DNAH11: variants seen among roughly 807,000 people sequenced by gnomAD.
DNAH11 encodes dynein axonemal heavy chain 11.
DNAH11 carries 442 observed loss-of-function variants against 526.0 expected under a neutral mutation model. The observed-to-expected ratio is 0.84, with a 90% CI of 0.78 to 0.91. DNAH11 has a LOEUF of 0.91. Among genes scored for constraint, DNAH11 ranks in the 40% least tolerant of loss-of-function variants. The probability of loss-of-function intolerance (pLI) is 0.00; values close to 1 mark genes in which losing one functional copy is unlikely to be tolerated. For missense variants in DNAH11, 6,989 were observed against 5,448.7 expected, an observed-to-expected ratio of 1.28 and a Z score of -8.90; for synonymous variants, 2,461 against 1,935.9, an observed-to-expected ratio of 1.27 and a Z score of -7.12.
rs1396662655 is a variant in DNAH11, at chr7:21,787,491, GACC to G, written c.9833_9835del (p.Asp3278_Pro3279delinsAla). On this transcript the variant is annotated inframe_deletion, in exon 60 of 82. Coordinates refer to ENST00000409508, the MANE Select transcript of DNAH11 (RefSeq NM_001277115.2). ...AGTGGTGAATGAACACTATTTGAAA[GACC>G]CAGAGTTTAATCCAAACCTGATTCG... 1.2e-6 allele frequency: 2 copies of G among 1,613,812 alleles called. No individual in the cohort carries two copies. Among genetic ancestry groups the G allele is most frequent in the South Asian group, 2.2e-5 (2 of 91,056 alleles).
intron 55 of DNAH11, among the ~76,000 whole-genome samples, chr7:21,772,649 A>G (rs1281913250): frequency 2.0e-5 from 3 of 152,172 alleles, no homozygotes; most frequent in Non-Finnish European, 4.4e-5. Context: ...TTTGGAATTT[A>G]TATCACGTTA....
intron 60 of DNAH11, among the ~76,000 whole-genome samples, chr7:21,788,430 C>T (rs559988189): frequency 1.3e-5 from 2 of 152,126 alleles, no homozygotes; most frequent in African/African-American, 4.8e-5. Context: ...GGTTGATGTA[C>T]GGCCTCTCTG....
At position 21,588,044 on chromosome 7, in the gene DNAH11, CT is replaced by C; in HGVS notation, c.1711-18del. 6.2e-7 allele frequency: 1 copy of C among 1,610,940 alleles called. No homozygotes were observed. On this transcript the variant is annotated intron_variant, in intron 9 of 81. Transcript: ENST00000409508. Reference sequence around the variant, plus strand: ...AAAAACTCATAGTGCTTAATGTTGCCTTCACTTTGATTTTTATAGCTTTTGA... The same window carrying C: ...AAAAACTCATAGTGCTTAATGTTGCCTCACTTTGATTTTTATAGCTTTTGA...
At chr7:21,546,126 G>C (rs1782795607) in intron 2 of DNAH11, among the ~76,000 whole-genome samples, 1 of 152,118 alleles carries the variant, frequency 6.6e-6, no homozygotes, top group African/African-American at 2.4e-5. Flanking sequence ...CGATATTTAA[G>C]GTAGGAAAAA....
intron 1 of DNAH11, chr7:21,543,844 C>G (rs187895601): frequency 4.8e-5 from 26 of 546,916 alleles, no homozygotes; most frequent in Middle Eastern, 4.7e-4. Flanking sequence ...TGAGCCTGTT[C>G]GACCAGGATA....
At chr7:21,829,332 G>A (rs940338888) in intron 65 of DNAH11, among the ~76,000 whole-genome samples, 23 of 151,326 alleles carry the variant, frequency 1.5e-4, no homozygotes, top group African/African-American at 5.4e-4. Flanking sequence ...CCTCCAGAAT[G>A]GAATTTCTCC....
intron 25 of DNAH11, among the ~76,000 whole-genome samples, chr7:21,630,509 C>T (rs373966780): frequency 9.2e-5 from 14 of 152,178 alleles, no homozygotes; most frequent in African/African-American, 2.9e-4. Flanking sequence ...CTGGTGGTGG[C>T]GAATTAGCTC....
chr7:21,683,519 G>T (rs976689345), intron 31 of DNAH11, among the ~76,000 whole-genome samples: 6 of 152,120 alleles, frequency 3.9e-5, no homozygotes, highest in South Asian at 2.1e-4. Context: ...AATCCCCTGG[G>T]GTGATTCATA....
intron 14 of DNAH11, among the ~76,000 whole-genome samples, chr7:21,597,629 G>C (rs1220751454): frequency 6.6e-6 from 1 of 152,136 alleles, no homozygotes; most frequent in Non-Finnish European, 1.5e-5. Context: ...GATCTCATGA[G>C]AATTCTGTAA....
intron 18 of DNAH11, 136 bp from the exon 19 acceptor site, chr7:21,606,290 T>A: frequency 1.4e-6 from 1 of 719,868 alleles, no homozygotes. Context: ...GCCAGTGCAC[T>A]CCAGCCTAGG....
At chr7:21,649,176 TCA>T (rs1262385238) in intron 28 of DNAH11, among the ~76,000 whole-genome samples, 1 of 152,236 alleles carries the variant, frequency 6.6e-6, no homozygotes, top group Non-Finnish European at 1.5e-5. Context: ...ATGGGAATGT[TCA>T]TATCTAGCCA....
chr7:21,567,072 C>G (rs2128434758), intron 6 of DNAH11, among the ~76,000 whole-genome samples: 1 of 152,206 alleles, frequency 6.6e-6, no homozygotes, highest in East Asian at 1.9e-4. Context: ...CTTTTCATGG[C>G]TCTTGAGCAA....
chr7:21,636,450 G>A (rs1786869996), intron 26 of DNAH11, among the ~76,000 whole-genome samples: 3 of 152,086 alleles, frequency 2.0e-5, no homozygotes, highest in Admixed American at 2.0e-4. Flanking sequence ...ATTTAAAAAG[G>A]TAGGCTAGGC....
intron 2 of DNAH11, among the ~76,000 whole-genome samples, chr7:21,551,026 T>C (rs1204305294): frequency 6.6e-6 from 1 of 152,214 alleles, no homozygotes; most frequent in East Asian, 1.9e-4. Flanking sequence ...TATAAATCCC[T>C]ATACACACCC....
intron 2 of DNAH11, among the ~76,000 whole-genome samples, chr7:21,553,070 ATTTTTTTTT>A (rs35121910): frequency 4.5e-5 from 3 of 66,784 alleles, no homozygotes; most frequent in African/African-American, 7.3e-5. Flanking sequence ...TATAAATGGG[ATTTTTTTTT>A]TTTTTTTTTT....
chr7:21,713,433 C>G (rs566124427), intron 42 of DNAH11, among the ~76,000 whole-genome samples: 8 of 152,302 alleles, frequency 5.3e-5, no homozygotes, highest in African/African-American at 1.9e-4. Context: ...CAGGATGGCT[C>G]TGTCCCTCTG....
At chr7:21,578,883 A>G (rs1182699781) in intron 8 of DNAH11, among the ~76,000 whole-genome samples, 1 of 152,116 alleles carries the variant, frequency 6.6e-6, no homozygotes, top group Non-Finnish European at 1.5e-5. Context: ...GTCCCTCCCC[A>G]AACCTACTCT....
intron 66 of DNAH11, among the ~76,000 whole-genome samples, chr7:21,849,923 T>G (rs1782558398): frequency 6.6e-6 from 1 of 152,118 alleles, no homozygotes; most frequent in Non-Finnish European, 1.5e-5. Flanking sequence ...TTTTTCTTTT[T>G]TCTCCTTGTA....
intron 6 of DNAH11, among the ~76,000 whole-genome samples, chr7:21,566,938 T>G (rs768265768): frequency 6.6e-6 from 1 of 152,220 alleles, no homozygotes; most frequent in Non-Finnish European, 1.5e-5. Flanking sequence ...TTGCTGTATA[T>G]GTAAGTTGCT....
Sources: allele counts gnomAD v4.1 joint callset (sites outside exome capture counted in the v4.1 genomes callset), GRCh38; gene constraint gnomAD v4.1.1; transcripts MANE v1.5; gene names NCBI Gene and HGNC (gene_info 2026-07-23, HGNC 2026-07-21).